Variants in PLA2R1 observed in about 807,000 individuals in gnomAD.
PLA2R1 encodes secretory phospholipase A2 receptor.
In PLA2R1, 158 loss-of-function variants were observed where a neutral mutation model predicts 195.9. That is an observed-to-expected ratio of 0.81 (90% CI 0.71 to 0.92). The LOEUF (loss-of-function observed/expected upper bound fraction) is 0.92, where lower values mean the gene tolerates loss of function less well. Among genes scored for constraint, PLA2R1 ranks in the 40% least tolerant of loss-of-function variants. The pLI is 0.00. For missense variants in PLA2R1, 1,626 were observed against 1,764.6 expected, an observed-to-expected ratio of 0.92 and a Z score of 1.41; for synonymous variants, 586 against 598.2, an observed-to-expected ratio of 0.98 and a Z score of 0.30.
Position 160,005,706 on chromosome 2 carries a change from C to T in PLA2R1, c.1780G>A (p.Val594Ile). Residue 594 changes from valine (V) to isoleucine (I), a missense_variant, in exon 11 of 30, where the codon GTA (valine) becomes ATA (isoleucine). Physicochemically the swap from Val to Ile is conservative, Grantham distance 29. Coordinates refer to ENST00000283243, the MANE Select transcript of PLA2R1 (RefSeq NM_007366.5). ...TGCACCGGCTCGGGTTTCTGCCCTA[C>T]TGGCTTCCAAGTGTATTCTCCCGTA... ...NDTGEYTWKP[V>I]GQKPEPVQYT... 6.2e-7 allele frequency: 1 copy of T among 1,614,092 alleles called. No homozygotes were observed.
At chr2:160,014,241 T>C (rs1205828625) in intron 9 of PLA2R1, among the ~76,000 whole-genome samples, 2 of 151,176 alleles carry the variant, frequency 1.3e-5, no homozygotes, top group African/African-American at 4.8e-5. Flanking sequence ...TTTCTTTTTT[T>C]TTTTTTTTGT....
intron 20 of PLA2R1, among the ~76,000 whole-genome samples, chr2:159,965,716 CA>C (rs1336576567): frequency 2.0e-5 from 3 of 152,244 alleles, no homozygotes; most frequent in African/African-American, 7.2e-5. Flanking sequence ...AAGAAACTGC[CA>C]AACTGTCTCC....
intron 1 of PLA2R1, among the ~76,000 whole-genome samples, chr2:160,047,155 G>GTC (rs1307769990): frequency 6.6e-6 from 1 of 152,166 alleles, no homozygotes; most frequent in Non-Finnish European, 1.5e-5. Flanking sequence ...GAGCTCTGGA[G>GTC]TCACGTGGAG....
chr2:160,038,470 G>A (rs1308831438), intron 3 of PLA2R1, among the ~76,000 whole-genome samples: 1 of 152,228 alleles, frequency 6.6e-6, no homozygotes, highest in Non-Finnish European at 1.5e-5. Context: ...ACAGGTTGGA[G>A]AAGGTTGGAT....
rs1303978056 is a variant in PLA2R1, at chr2:160,013,331, G to A, written c.1596C>T (p.Val532=). 5 of 1,611,022 alleles carry A rather than the reference G, an allele frequency of 3.1e-6. No individual in the cohort carries two copies. Among genetic ancestry groups the A allele is most frequent in the South Asian group, 1.1e-5 (1 of 90,940 alleles). Residue 532 remains valine (V), a synonymous_variant, in exon 10 of 30, where the codon GTC becomes GTT. Coordinates refer to ENST00000283243, the MANE Select transcript of PLA2R1 (RefSeq NM_007366.5). ...TGGAAGCTTGGTCAAAGCTTCGAAGGACTGTGTCAATTTTGTAACAGAATC... is the reference window on the plus strand; with the variant it reads ...TGGAAGCTTGGTCAAAGCTTCGAAGAACTGTGTCAATTTTGTAACAGAATC... ...HGGFCYKIDT[V]LRSFDQASSG...
intron 1 of PLA2R1, 134 bp downstream of exon 1, chr2:160,062,161 A>AT (rs1696004595): frequency 1.6e-6 from 1 of 625,084 alleles, no homozygotes; most frequent in Non-Finnish European, 2.7e-6. Context: ...GACTGCTGAC[A>AT]CACGAACCCC....
chr2:160,016,290 AAAAG>A (rs1316558221), intron 9 of PLA2R1, among the ~76,000 whole-genome samples: 3 of 151,534 alleles, frequency 2.0e-5, no homozygotes, highest in Admixed American at 1.3e-4. Flanking sequence ...AAAGAAAAAG[AAAAG>A]AAAGAAAGAC....
At chr2:159,931,426 C>T (rs556727342), downstream of PLA2R1, among the ~76,000 whole-genome samples, 117 of 152,246 alleles carry the variant, frequency 7.7e-4, 1 homozygote, top group African/African-American at 2.8e-3. Flanking sequence ...CCCAGCTACT[C>T]AGGAGGCTGA....
chr2:159,944,873 C>G, intron 28 of PLA2R1, 33 bp downstream of exon 28: 8 of 1,545,092 alleles, frequency 5.2e-6, no homozygotes, highest in Non-Finnish European at 5.4e-6. Context: ...AAGGTAGAAT[C>G]AAAATGAAGA....
intron 10 of PLA2R1, among the ~76,000 whole-genome samples, chr2:160,008,719 A>G (rs1401235333): frequency 2.0e-5 from 3 of 152,210 alleles, no homozygotes; most frequent in African/African-American, 7.2e-5. Flanking sequence ...AAAATTAAAA[A>G]CTTTGCACAT....
intron 3 of PLA2R1, among the ~76,000 whole-genome samples, chr2:160,038,360 T>A (rs35114803): frequency 1.3e-5 from 2 of 152,142 alleles, no homozygotes; most frequent in African/African-American, 2.4e-5. Context: ...ATTTCTGATA[T>A]GATGGTCTAG....
At chr2:159,968,478 G>T (rs1337857972) in intron 19 of PLA2R1, among the ~76,000 whole-genome samples, 1 of 152,182 alleles carries the variant, frequency 6.6e-6, no homozygotes, top group Non-Finnish European at 1.5e-5. Flanking sequence ...AGTCCTTTCT[G>T]TAGGCTGTTG....
At chr2:160,028,771 C>T in intron 5 of PLA2R1, 79 bp downstream of exon 5, 1 of 829,462 alleles carries the variant, frequency 1.2e-6, no homozygotes. Flanking sequence ...AAAGCATGTC[C>T]TATGTGCATG....
chr2:160,057,355 C>T (rs1359287938), intron 1 of PLA2R1, among the ~76,000 whole-genome samples: 2 of 152,164 alleles, frequency 1.3e-5, no homozygotes, highest in African/African-American at 2.4e-5. Context: ...CCTTGAGATC[C>T]TGGGACCATT....
intron 11 of PLA2R1, among the ~76,000 whole-genome samples, chr2:160,004,373 T>C (rs1041937572): frequency 1.3e-5 from 2 of 152,140 alleles, no homozygotes; most frequent in African/African-American, 4.8e-5. Flanking sequence ...CCAACCACTG[T>C]CTAGAGTTGG....
At chr2:159,992,218 A>G (rs957900842) in intron 11 of PLA2R1, among the ~76,000 whole-genome samples, 10 of 151,916 alleles carry the variant, frequency 6.6e-5, no homozygotes, top group Admixed American at 2.6e-4. Context: ...ATGGCCAGTG[A>G]TGATGAGCAT....
In PLA2R1 at chr2:159,976,060, T is replaced by C; in HGVS notation, c.2595+8A>G. 6.2e-7 allele frequency: 1 copy of C among 1,610,850 alleles called. No individual in the cohort carries two copies. Among genetic ancestry groups the C allele is most frequent in the South Asian group, 1.1e-5 (1 of 90,680 alleles). ...CTGAATTTTTCGTGGTGAGTTATGT[T>C]CAAGTACCGCTTTTATTTTGCTGTG... On this transcript the variant is annotated splice_region_variant and intron_variant, in intron 17 of 29. Transcript: ENST00000283243.
intron 11 of PLA2R1, among the ~76,000 whole-genome samples, chr2:159,988,746 A>AT (rs1419017169): frequency 6.6e-6 from 1 of 152,008 alleles, no homozygotes; most frequent in Non-Finnish European, 1.5e-5. Context: ...AATGGCTTCA[A>AT]TTTTTTCAGA....
intron 4 of PLA2R1, among the ~76,000 whole-genome samples, chr2:160,030,109 T>G (rs1414412135): frequency 2.0e-5 from 3 of 152,200 alleles, no homozygotes; most frequent in Admixed American, 2.0e-4. Flanking sequence ...ACCCAGGTTG[T>G]GAAGGTCATT....
Sources: gnomAD v4.1 joint callset for allele counts (sites outside exome capture counted in the v4.1 genomes callset) on GRCh38, gnomAD v4.1.1 for gene constraint, MANE v1.5 for transcripts, NCBI Gene and HGNC (gene_info 2026-07-23, HGNC 2026-07-21) for gene names.